GRM8: variants seen among roughly 807,000 people sequenced by gnomAD.
GRM8 encodes the protein metabotropic glutamate receptor 8.
Under a neutral mutation model 87.2 loss-of-function variants are expected in GRM8, and 47 were observed. The observed-to-expected ratio is 0.54, with a 90% CI of 0.43 to 0.69. The LOEUF (loss-of-function observed/expected upper bound fraction) is 0.69. Among genes scored for constraint, GRM8 ranks in the 30% least tolerant of loss-of-function variants. The probability of loss-of-function intolerance (pLI) is 0.00; values close to 1 mark genes in which losing one functional copy is unlikely to be tolerated. For missense variants in GRM8, 1,019 were observed against 1,139.2 expected, an observed-to-expected ratio of 0.89 and a Z score of 1.52; for synonymous variants, 396 against 404.5, an observed-to-expected ratio of 0.98 and a Z score of 0.25.
intron 8 of GRM8, among the ~76,000 whole-genome samples, chr7:126,594,660 A>T (rs1172371683): frequency 1.3e-5 from 2 of 152,170 alleles, no homozygotes; most frequent in East Asian, 3.8e-4. Flanking sequence ...TCTATTGTAC[A>T]GCATAGTGAC....
chr7:126,797,189 G>A (rs1238909273), intron 6 of GRM8, among the ~76,000 whole-genome samples: 1 of 151,948 alleles, frequency 6.6e-6, no homozygotes, highest in African/African-American at 2.4e-5. Flanking sequence ...AGATATTCAT[G>A]GCTTATAATT....
intron 6 of GRM8, among the ~76,000 whole-genome samples, chr7:126,895,115 AAC>A (rs1034221446): frequency 1.3e-5 from 2 of 152,014 alleles, no homozygotes; most frequent in African/African-American, 4.8e-5. Context: ...TAATGAGAAA[AAC>A]ACGCACACAC....
intron 3 of GRM8, among the ~76,000 whole-genome samples, chr7:126,942,216 C>T (rs1476920027): frequency 2.0e-5 from 3 of 152,186 alleles, no homozygotes; most frequent in South Asian, 2.1e-4. Context: ...ATATTGAGAA[C>T]GTACCTATTT....
intron 6 of GRM8, among the ~76,000 whole-genome samples, chr7:126,865,804 C>G (rs1001614114): frequency 2.6e-5 from 4 of 152,122 alleles, no homozygotes; most frequent in African/African-American, 7.2e-5. Flanking sequence ...TATGGGTATG[C>G]CACATTTTAT....
At chr7:126,702,869 C>A (rs1336959759) in intron 7 of GRM8, among the ~76,000 whole-genome samples, 1 of 151,858 alleles carries the variant, frequency 6.6e-6, no homozygotes, top group East Asian at 1.9e-4. Flanking sequence ...GTGATAAAGA[C>A]CTAAAGAATG....
intron 2 of GRM8, among the ~76,000 whole-genome samples, chr7:127,107,450 A>G (rs1179639949): frequency 6.6e-6 from 1 of 152,174 alleles, no homozygotes; most frequent in Non-Finnish European, 1.5e-5. Context: ...ATCCTATGTC[A>G]TTTCTCAATA....
intron 8 of GRM8, among the ~76,000 whole-genome samples, chr7:126,561,774 C>G (rs929264619): frequency 5.1e-5 from 5 of 98,796 alleles, no homozygotes; most frequent in Non-Finnish European, 7.5e-5. Flanking sequence ...TATCCCTCCC[C>G]CCTCCCCCCA....
intron 9 of GRM8, among the ~76,000 whole-genome samples, chr7:126,472,314 G>C (rs1171085590): frequency 1.3e-5 from 2 of 152,090 alleles, no homozygotes; most frequent in Non-Finnish European, 2.9e-5. Context: ...TATGATATTG[G>C]CTGTGGGTTT....
chr7:126,593,260 T>G (rs1796861150), intron 8 of GRM8, among the ~76,000 whole-genome samples: 2 of 151,978 alleles, frequency 1.3e-5, no homozygotes, highest in East Asian at 1.9e-4. Flanking sequence ...AAAAACAATT[T>G]TAAAATTTGT....
intron 6 of GRM8, among the ~76,000 whole-genome samples, chr7:126,874,275 A>G (rs999864400): frequency 1.3e-5 from 2 of 152,054 alleles, no homozygotes; most frequent in Non-Finnish European, 2.9e-5. Flanking sequence ...AAACTTTTTA[A>G]ATAATAAATT....
At chr7:126,569,372 A>T (rs1216251754) in intron 8 of GRM8, among the ~76,000 whole-genome samples, 1 of 152,226 alleles carries the variant, frequency 6.6e-6, no homozygotes, top group Non-Finnish European at 1.5e-5. Flanking sequence ...TGACCATGAC[A>T]GGCTCCATGT....
chr7:127,046,691 T>C (rs1325272869), intron 3 of GRM8, among the ~76,000 whole-genome samples: 1 of 152,250 alleles, frequency 6.6e-6, no homozygotes, highest in Non-Finnish European at 1.5e-5. Context: ...TGAAAATTTA[T>C]GAATTATCTT....
chr7:126,987,217 C>T (rs770183421), intron 3 of GRM8, among the ~76,000 whole-genome samples: 34 of 152,078 alleles, frequency 2.2e-4, no homozygotes, highest in Non-Finnish European at 4.3e-4. Context: ...AAAGTGACTT[C>T]AGATCTCAAA....
At chr7:127,018,414 C>CTT (rs113155218) in intron 3 of GRM8, among the ~76,000 whole-genome samples, 3,866 of 133,114 alleles carry the variant, frequency 0.029, 87 homozygotes, top group African/African-American at 0.065. Flanking sequence ...CTTAAAGTGG[C>CTT]TTTTTTTTTT....
chr7:126,775,479 GTTTTTTTTT>G (rs372733476), intron 6 of GRM8, among the ~76,000 whole-genome samples: 2,158 of 104,780 alleles, frequency 0.021, 73 homozygotes, highest in African/African-American at 0.076. Context: ...TGACAAATAG[GTTTTTTTTT>G]TTTTTTTTTT....
Position 126,577,663 on chromosome 7 carries a change from A to C in GRM8, c.1494+31699T>G, listed in dbSNP as rs117386366. On this transcript the variant is annotated intron_variant, in intron 8 of 10. Transcript: ENST00000339582. ...TATAACATAATGTCTAAACATCAAAAACTAATTCGAAAGCAACTTAAGTAT... is the reference window on the plus strand; with the variant it reads ...TATAACATAATGTCTAAACATCAAACACTAATTCGAAAGCAACTTAAGTAT... 3.0e-3 allele frequency among the ~76,000 whole-genome samples: 463 copies of C among 152,316 alleles called. 1 individual carries two copies. The highest frequency in any genetic ancestry group is 5.0e-3 in the Non-Finnish European group (339 of 68,034).
chr7:126,452,573 T>C (rs981500065), intron 9 of GRM8, among the ~76,000 whole-genome samples: 2 of 151,074 alleles, frequency 1.3e-5, no homozygotes, highest in African/African-American at 4.8e-5. Flanking sequence ...AAAAAACAGA[T>C]ACTGAAACTA....
chr7:127,175,282 G>T (rs1485156566), intron 2 of GRM8, among the ~76,000 whole-genome samples: 1 of 152,128 alleles, frequency 6.6e-6, no homozygotes, highest in Non-Finnish European at 1.5e-5. Context: ...AAAAGAATCA[G>T]TGAGCTTGAA....
chr7:126,816,272 T>A (rs1404122711), intron 6 of GRM8, among the ~76,000 whole-genome samples: 4 of 152,166 alleles, frequency 2.6e-5, no homozygotes, highest in Admixed American at 2.6e-4. Flanking sequence ...TTTGCTTTTT[T>A]AAATTCAATA....
Sources: gnomAD v4.1 joint callset for allele counts (sites outside exome capture counted in the v4.1 genomes callset) on GRCh38, gnomAD v4.1.1 for gene constraint, MANE v1.5 for transcripts, NCBI Gene and HGNC (gene_info 2026-07-23, HGNC 2026-07-21) for gene names.